Variants in TEK observed in about 807,000 individuals in gnomAD.
The protein encoded by TEK is TEK receptor tyrosine kinase, also known as angiopoietin-1 receptor.
In TEK, 43 loss-of-function variants were observed where a neutral mutation model predicts 131.8. That is an observed-to-expected ratio of 0.33 (90% CI 0.26 to 0.42). The LOEUF (loss-of-function observed/expected upper bound fraction) is 0.42, where lower values mean the gene tolerates loss of function less well. TEK is among the 10% of genes least tolerant of loss of function. TEK has a pLI of 1.00. For synonymous variants in TEK, 580 were observed against 491.6 expected, an observed-to-expected ratio of 1.18 and a Z score of -2.38; for missense variants, 1,162 against 1,384.4, an observed-to-expected ratio of 0.84 and a Z score of 2.55.
At chr9:27,119,125 CCTGA>C (rs1297706394) in intron 1 of TEK, among the ~76,000 whole-genome samples, 4 of 152,150 alleles carry the variant, frequency 2.6e-5, no homozygotes, top group Non-Finnish European at 1.5e-5. Flanking sequence ...AGTGAATCAT[CCTGA>C]CTGACCACAT....
chr9:27,224,152 A>G lies in TEK; in HGVS notation c.3200+4007A>G, dbSNP rs111904057. On this transcript the variant is annotated intron_variant, in intron 21 of 22. Coordinates refer to ENST00000380036, the MANE Select transcript of TEK (RefSeq NM_000459.5). ...CCTACCAAAAAAAGTCCAGGACCAGACGGATCCACAGCTGAATTCTACCAC... is the reference window on the plus strand; with the variant it reads ...CCTACCAAAAAAAGTCCAGGACCAGGCGGATCCACAGCTGAATTCTACCAC... 3.0e-4 allele frequency among the ~76,000 whole-genome samples: 46 copies of G among 152,326 alleles called. 1 individual carries two copies. The highest frequency in any genetic ancestry group is 1.1e-3 in the African/African-American group (44 of 41,570).
chr9:27,136,709 T>G (rs1274099201), intron 1 of TEK, among the ~76,000 whole-genome samples: 1 of 152,160 alleles, frequency 6.6e-6, no homozygotes, highest in African/African-American at 2.4e-5. Flanking sequence ...TTCACAAGTA[T>G]CAGTCTCCCC....
chr9:27,217,594 C>T (rs2131239180), intron 18 of TEK, 94 bp from the exon 19 acceptor site: 2 of 1,078,750 alleles, frequency 1.9e-6, no homozygotes, highest in Non-Finnish European at 2.9e-6. Context: ...CTGAGTCTAC[C>T]CAGCAATCAT....
intron 21 of TEK, among the ~76,000 whole-genome samples, chr9:27,221,908 T>C (rs1826099516): frequency 6.6e-6 from 1 of 152,138 alleles, no homozygotes; most frequent in South Asian, 2.1e-4. Flanking sequence ...CTGACAGAAG[T>C]AGGCTTCAGA....
At chr9:27,136,245 C>G (rs892045846) in intron 1 of TEK, among the ~76,000 whole-genome samples, 3 of 152,118 alleles carry the variant, frequency 2.0e-5, no homozygotes, top group African/African-American at 7.2e-5. Context: ...CCACGCCCAG[C>G]TGATGTTTGT....
intron 12 of TEK, among the ~76,000 whole-genome samples, chr9:27,201,793 G>C (rs1825221721): frequency 1.3e-5 from 2 of 152,168 alleles, no homozygotes; most frequent in South Asian, 4.1e-4. Flanking sequence ...ATGGTGTATG[G>C]AATGAAACAG....
At position 27,132,553 on chromosome 9, in the gene TEK, TGGC is replaced by T. The variant is rs1459652978; in HGVS notation, c.52+22912_52+22914del. ...TTATTGGGACACCGGGGCATTCAGATGGCCTATTGAAATGAGACAAGGAGAGAC... is the reference window on the plus strand; with the variant it reads ...TTATTGGGACACCGGGGCATTCAGATCTATTGAAATGAGACAAGGAGAGAC... On this transcript the variant is annotated intron_variant, in intron 1 of 22. Transcript: ENST00000380036. Among the ~76,000 whole-genome samples the T allele has an allele frequency of 1.3e-4, 20 of 152,292 alleles. No homozygotes were observed. The East Asian group carries it at 3.3e-3, about 25-fold the overall frequency.
At chr9:27,213,922 C>A (rs1023261725) in intron 18 of TEK, among the ~76,000 whole-genome samples, 5 of 152,132 alleles carry the variant, frequency 3.3e-5, no homozygotes, top group African/African-American at 1.2e-4. Context: ...CTTGCACAAT[C>A]CCCTTTCATG....
intron 1 of TEK, among the ~76,000 whole-genome samples, chr9:27,156,707 G>T (rs1823345428): frequency 6.6e-6 from 1 of 152,116 alleles, no homozygotes; most frequent in Non-Finnish European, 1.5e-5. Flanking sequence ...TGAGATAATG[G>T]TGCATACCTC....
intron 22 of TEK, 95 bp from the exon 23 acceptor site, chr9:27,229,063 C>G (rs1467899101): frequency 1.8e-6 from 2 of 1,090,754 alleles, no homozygotes; most frequent in East Asian, 4.7e-5. Context: ...ATATGAGTTG[C>G]AACAAACTAA....
intron 1 of TEK, among the ~76,000 whole-genome samples, chr9:27,134,646 T>C (rs1192811263): frequency 1.3e-5 from 2 of 152,196 alleles, no homozygotes; most frequent in Non-Finnish European, 2.9e-5. Flanking sequence ...CTAGAGTACA[T>C]GGCAAACTTC....
At chr9:27,196,716 A>G (rs1460917166) in intron 11 of TEK, among the ~76,000 whole-genome samples, 3 of 149,954 alleles carry the variant, frequency 2.0e-5, no homozygotes, top group Non-Finnish European at 2.9e-5. Context: ...GGCACTTTGC[A>G]TGGTGAAAGC....
chr9:27,141,630 A>G (rs900149945), intron 1 of TEK, among the ~76,000 whole-genome samples: 1 of 152,198 alleles, frequency 6.6e-6, no homozygotes, highest in Admixed American at 6.5e-5. Context: ...CAATAAGTCT[A>G]TTGACTACTT....
At chr9:27,174,305 G>A (rs1054202019) in intron 6 of TEK, among the ~76,000 whole-genome samples, 12 of 152,120 alleles carry the variant, frequency 7.9e-5, no homozygotes, top group African/African-American at 2.4e-4. Flanking sequence ...AGGTAGCTAC[G>A]ATGGGGTCCC....
chr9:27,153,143 A>G (rs1057507572), intron 1 of TEK, among the ~76,000 whole-genome samples: 3 of 152,206 alleles, frequency 2.0e-5, no homozygotes, highest in African/African-American at 7.2e-5. Context: ...ACACACTTTT[A>G]TGCAAACATT....
At chr9:27,227,637 T>C (rs1489415503) in intron 21 of TEK, among the ~76,000 whole-genome samples, 2 of 152,146 alleles carry the variant, frequency 1.3e-5, no homozygotes, top group Non-Finnish European at 2.9e-5. Flanking sequence ...TGAGGCCTTT[T>C]GTGTAAGAGC....
chr9:27,122,821 C>T (rs936797124), intron 1 of TEK, among the ~76,000 whole-genome samples: 8 of 151,782 alleles, frequency 5.3e-5, no homozygotes, highest in South Asian at 2.1e-4. Context: ...TGGGAGGCCA[C>T]GGCAGCTAGA....
At chr9:27,129,306 AGAT>A (rs1822120156) in intron 1 of TEK, among the ~76,000 whole-genome samples, 1 of 152,142 alleles carries the variant, frequency 6.6e-6, no homozygotes, top group African/African-American at 2.4e-5. Flanking sequence ...TCAAAGGAAA[AGAT>A]GATTTGTGCT....
intron 20 of TEK, among the ~76,000 whole-genome samples, chr9:27,219,441 AACACATGG>A (rs1364277581): frequency 6.6e-6 from 1 of 152,144 alleles, no homozygotes; most frequent in African/African-American, 2.4e-5. Flanking sequence ...GAACAATGGG[AACACATGG>A]ACACAGGGAG....
Sources: allele counts gnomAD v4.1 joint callset (sites outside exome capture counted in the v4.1 genomes callset), GRCh38; gene constraint gnomAD v4.1.1; transcripts MANE v1.5; gene names NCBI Gene and HGNC (gene_info 2026-07-23, HGNC 2026-07-21).